The following GNAQ variants were observed in gnomAD, a reference collection of about 807,000 sequenced individuals.
GNAQ encodes guanine nucleotide-binding protein G(q) subunit alpha.
GNAQ carries 8 observed loss-of-function variants against 43.9 expected under a neutral mutation model. That is an observed-to-expected ratio of 0.18 (90% CI 0.11 to 0.33). The LOEUF (loss-of-function observed/expected upper bound fraction) is 0.33, where lower values mean the gene tolerates loss of function less well. Among genes scored for constraint, GNAQ ranks in the 10% least tolerant of loss-of-function variants. The probability of loss-of-function intolerance (pLI) is 1.00; values close to 1 mark genes in which losing one functional copy is unlikely to be tolerated. For missense variants in GNAQ, 158 were observed against 450.8 expected (o/e 0.35, Z 5.88); for synonymous variants, 155 against 170.7 (o/e 0.91, Z 0.71).
At chr9:77,855,418 T>G (rs1264080199) in intron 2 of GNAQ, among the ~76,000 whole-genome samples, 1 of 152,122 alleles carries the variant, frequency 6.6e-6, no homozygotes, top group Non-Finnish European at 1.5e-5. Context: ...AGATATAAGC[T>G]GTGTTTTAAA....
intron 2 of GNAQ, among the ~76,000 whole-genome samples, chr9:77,911,515 A>G (rs1828803196): frequency 6.6e-6 from 1 of 152,176 alleles, no homozygotes; most frequent in South Asian, 2.1e-4. Context: ...AAAGGGCAAA[A>G]TCAGCTTTCA....
At chr9:77,835,794 T>C (rs1382330574) in intron 2 of GNAQ, among the ~76,000 whole-genome samples, 1 of 152,228 alleles carries the variant, frequency 6.6e-6, no homozygotes, top group African/African-American at 2.4e-5. Context: ...TGGTCCACAG[T>C]GCCTATCTCA....
At chr9:77,784,855 T>C (rs1398718082) in intron 5 of GNAQ, among the ~76,000 whole-genome samples, 1 of 152,216 alleles carries the variant, frequency 6.6e-6, no homozygotes, top group Non-Finnish European at 1.5e-5. Flanking sequence ...CTCAATCTGA[T>C]TTTAATTAGG....
At chr9:77,857,937 T>C (rs1260908797) in intron 2 of GNAQ, among the ~76,000 whole-genome samples, 2 of 152,140 alleles carry the variant, frequency 1.3e-5, no homozygotes, top group Non-Finnish European at 1.5e-5. Context: ...CTTCTTTTTA[T>C]TTCCTTACAA....
intron 2 of GNAQ, among the ~76,000 whole-genome samples, chr9:77,851,052 C>A (rs776261287): frequency 2.0e-5 from 3 of 152,086 alleles, no homozygotes; most frequent in Non-Finnish European, 4.4e-5. Context: ...GTCACCCATC[C>A]CCAGATCTTC....
At chr9:77,871,417 A>G (rs1327998821) in intron 2 of GNAQ, among the ~76,000 whole-genome samples, 1 of 152,176 alleles carries the variant, frequency 6.6e-6, no homozygotes, top group Non-Finnish European at 1.5e-5. Flanking sequence ...GAGCTGAGAA[A>G]GGTGATTTTC....
intron 2 of GNAQ, among the ~76,000 whole-genome samples, chr9:77,905,394 T>A (rs773532013): frequency 2.6e-5 from 4 of 152,184 alleles, no homozygotes; most frequent in Non-Finnish European, 4.4e-5. Flanking sequence ...GAGTCTCTGG[T>A]GGCTGGGCTC....
chr9:77,930,787 AT>A (rs1306026258), intron 1 of GNAQ, among the ~76,000 whole-genome samples: 1 of 152,166 alleles, frequency 6.6e-6, no homozygotes, highest in Non-Finnish European at 1.5e-5. Context: ...GATCAAAAAA[AT>A]ATATGAAGCA....
chr9:78,023,618 C>T (rs1823938777), intron 1 of GNAQ, among the ~76,000 whole-genome samples: 1 of 151,104 alleles, frequency 6.6e-6, no homozygotes, highest in African/African-American at 2.4e-5. Flanking sequence ...CACCCTGTTG[C>T]CCCTACAGTA....
intron 2 of GNAQ, among the ~76,000 whole-genome samples, chr9:77,890,850 G>C (rs1164138435): frequency 1.3e-5 from 2 of 152,156 alleles, no homozygotes; most frequent in African/African-American, 4.8e-5. Context: ...TTACTCAAAA[G>C]TCATGGTATA....
At position 78,008,641 on chromosome 9, in the gene GNAQ, C is replaced by T. The variant is rs184359969; in HGVS notation, c.136+22459G>A. Among the ~76,000 whole-genome samples the T allele has an allele frequency of 7.4e-5, 11 of 148,692 alleles. No individual in the cohort carries two copies. In the East Asian group the frequency reaches 1.2e-3, roughly 16 times the overall value. On this transcript the variant is annotated intron_variant, in intron 1 of 6. Coordinates refer to ENST00000286548, the MANE Select transcript of GNAQ (RefSeq NM_002072.5). Reference sequence around the variant, plus strand: ...TTTCATTTTATTTTATTTTTTGAGACGGAGTCTCGCTCTGTTGCCCAGGCT... The same window carrying T: ...TTTCATTTTATTTTATTTTTTGAGATGGAGTCTCGCTCTGTTGCCCAGGCT...
intron 3 of GNAQ, among the ~76,000 whole-genome samples, chr9:77,814,828 T>C (rs1467548348): frequency 6.6e-6 from 1 of 152,218 alleles, no homozygotes; most frequent in Non-Finnish European, 1.5e-5. Context: ...ATATAACTAA[T>C]GTACACAGAA....
rs115659077 is a variant in GNAQ, at chr9:77,886,800, T to A, written c.321+35361A>T. Among the ~76,000 whole-genome samples, 349 of 152,170 alleles carry A rather than the reference T, an allele frequency of 2.3e-3. 1 individual carries two copies. Among genetic ancestry groups the A allele is most frequent in the Non-Finnish European group, 4.6e-3 (315 of 68,012 alleles). ...ATCTGGCTATGGATACAGCTTAGCA[T>A]GTTAGCCATCCAAAAAAATAAAATA... On this transcript the variant is annotated intron_variant, in intron 2 of 6. Transcript: ENST00000286548.
chr9:77,777,989 C>T (rs1826329702), intron 5 of GNAQ, among the ~76,000 whole-genome samples: 2 of 151,892 alleles, frequency 1.3e-5, no homozygotes, highest in Admixed American at 6.6e-5. Context: ...GAAGAGAAAA[C>T]CATTTGAATA....
At chr9:77,839,956 G>T (rs1371207908) in intron 2 of GNAQ, among the ~76,000 whole-genome samples, 1 of 152,208 alleles carries the variant, frequency 6.6e-6, no homozygotes, top group East Asian at 1.9e-4. Flanking sequence ...GAGCCAAGTT[G>T]AACTTTGGAC....
intron 1 of GNAQ, among the ~76,000 whole-genome samples, chr9:77,977,689 C>A (rs73459747): frequency 0.011 from 1,693 of 152,308 alleles, 39 homozygotes; most frequent in African/African-American, 0.039. Context: ...AGCCAGGGTG[C>A]TGGGCTTCCC....
chr9:77,967,221 C>T (rs903451691), intron 1 of GNAQ, among the ~76,000 whole-genome samples: 1 of 152,154 alleles, frequency 6.6e-6, no homozygotes, highest in African/African-American at 2.4e-5. Context: ...CATGTATACC[C>T]CTGTTGGGCT....
At chr9:78,006,049 C>T (rs986635070) in intron 1 of GNAQ, among the ~76,000 whole-genome samples, 3 of 152,172 alleles carry the variant, frequency 2.0e-5, no homozygotes, top group African/African-American at 7.2e-5. Flanking sequence ...TATGTTAACT[C>T]TTTCCTGTAC....
intron 1 of GNAQ, among the ~76,000 whole-genome samples, chr9:77,938,152 T>C (rs1042032918): frequency 6.6e-6 from 1 of 152,212 alleles, no homozygotes; most frequent in Admixed American, 6.5e-5. Flanking sequence ...TAATACCTGA[T>C]ACAATGTAAA....
Sources: allele counts gnomAD v4.1 joint callset (sites outside exome capture counted in the v4.1 genomes callset), GRCh38; gene constraint gnomAD v4.1.1; transcripts MANE v1.5; gene names NCBI Gene and HGNC (gene_info 2026-07-23, HGNC 2026-07-21).